HSPH1: variants seen among roughly 807,000 people sequenced by gnomAD.
The protein encoded by HSPH1 is heat shock protein family H (Hsp110) member 1.
HSPH1 carries 40 observed loss-of-function variants against 100.0 expected under a neutral mutation model. The ratio of observed to expected loss-of-function variants is 0.40; its 90% confidence interval spans 0.31 to 0.52. The LOEUF is 0.52. Ranked by LOEUF, HSPH1 falls within the 20% of genes least tolerant of loss-of-function variation. HSPH1 has a pLI of 0.54. For synonymous variants in HSPH1, 403 were observed against 344.0 expected (o/e 1.17, Z -1.90); for missense variants, 876 against 1,015.1 (o/e 0.86, Z 1.86).
At position 31,145,615 on chromosome 13, in the gene HSPH1, T is replaced by G. The variant is rs373915529; in HGVS notation, c.1532A>C (p.Glu511Ala). The G allele has an allele frequency of 6.2e-7, 1 of 1,613,520 alleles. No individual in the cohort carries two copies. Among genetic ancestry groups the G allele is most frequent in the African/African-American group, 1.3e-5 (1 of 74,866 alleles). The change falls in exon 11 of 18, where the codon GAA (glutamate) becomes GCA (alanine). Residue 511 changes from glutamate (E) to alanine (A), a missense_variant. By Grantham distance (107) the Glu-to-Ala change is moderately radical (BLOSUM62 -1). Transcript: ENST00000320027. ...CTGATTCAGACACTCCATGTCAGCT[T>G]CAGAAGACATTTCATTCTCCTCAGT... Reference protein sequence around the residue: ...VPTEENEMSSEADMECLNQRP... With the variant: ...VPTEENEMSSAADMECLNQRP...
chr13:31,160,660 TGAC>T (rs535811243), intron 1 of HSPH1, among the ~76,000 whole-genome samples: 39 of 152,358 alleles, frequency 2.6e-4, no homozygotes, highest in South Asian at 8.3e-4. Flanking sequence ...TTTAGTTCAG[TGAC>T]GACATCCATC....
chr13:31,158,037 A>G (rs924756930), intron 2 of HSPH1, among the ~76,000 whole-genome samples: 1 of 152,244 alleles, frequency 6.6e-6, no homozygotes, highest in African/African-American at 2.4e-5. Context: ...CATGGCTACC[A>G]TATTTTTTAA....
chr13:31,148,199 C>A, intron 9 of HSPH1, 107 bp from the exon 10 acceptor site: 1 of 1,223,156 alleles, frequency 8.2e-7, no homozygotes, highest in African/African-American at 1.6e-5. Flanking sequence ...AATTCTATCT[C>A]ATCATTTACA....
intron 14 of HSPH1, among the ~76,000 whole-genome samples, chr13:31,139,960 T>G (rs1035902817): frequency 2.0e-5 from 3 of 152,124 alleles, no homozygotes; most frequent in Non-Finnish European, 2.9e-5. Flanking sequence ...CATAAATATT[T>G]GATAGGTTCT....
At chr13:31,142,174 G>A (rs1395306347) in intron 12 of HSPH1, among the ~76,000 whole-genome samples, 1 of 152,088 alleles carries the variant, frequency 6.6e-6, no homozygotes, top group East Asian at 1.9e-4. Context: ...ACTGGCCCAT[G>A]AGGCACAATA....
rs1039765783 is a variant in HSPH1 at position 31,150,888 on chromosome 13, C to T, written c.908+59G>A. The T allele has an allele frequency of 1.7e-5, 26 of 1,527,280 alleles. No homozygotes were observed. In the Admixed American group the frequency reaches 4.7e-4, roughly 28 times the overall value. 94.6% of individuals were successfully genotyped at this position (1,527,280 alleles called of 1,614,324 possible). The stretch of plus-strand genomic sequence containing the variant: ...CTCACAACACCCACTAGAACTGACA[C>T]CTGGGCTACAGTTTCAAAAGAAGTT... On this transcript the variant is annotated intron_variant, in intron 7 of 17. Transcript: ENST00000320027.
chr13:31,152,958 A>G lies in HSPH1; in HGVS notation c.430-7T>C. ...CTGTAAAGAAGGAGGGGACCTACAA[A>G]CAAACAAAAAATTTTGAATTATCTA... On this transcript the variant is annotated splice_polypyrimidine_tract_variant and splice_region_variant and intron_variant, in intron 4 of 17. Coordinates refer to ENST00000320027, the MANE Select transcript of HSPH1 (RefSeq NM_006644.4). 1 of 1,594,612 alleles carries G rather than the reference A, an allele frequency of 6.3e-7. No individual in the cohort carries two copies. The highest frequency in any genetic ancestry group is 8.6e-7 in the Non-Finnish European group (1 of 1,163,700).
At chr13:31,158,112 C>A (rs1956763144) in intron 2 of HSPH1, among the ~76,000 whole-genome samples, 1 of 152,140 alleles carries the variant, frequency 6.6e-6, no homozygotes, top group African/African-American at 2.4e-5. Flanking sequence ...CCTGAAAATG[C>A]TTTTAAACAC....
intron 10 of HSPH1, 129 bp from the exon 11 acceptor site, chr13:31,145,897 C>G: frequency 1.4e-6 from 1 of 725,716 alleles, no homozygotes; most frequent in Non-Finnish European, 2.3e-6. Context: ...TGGTGGGTCA[C>G]TTGAGCCCAA....
chr13:31,149,855 A>C (rs1003771768), intron 8 of HSPH1, 99 bp downstream of exon 8: 2 of 911,512 alleles, frequency 2.2e-6, no homozygotes, highest in Non-Finnish European at 3.6e-6. Flanking sequence ...TCCTTCTGCT[A>C]CCTAGACACA....
chr13:31,159,520 A>G (rs1372084750), intron 1 of HSPH1, among the ~76,000 whole-genome samples: 2 of 152,236 alleles, frequency 1.3e-5, no homozygotes, highest in East Asian at 3.9e-4. Flanking sequence ...GTGACTTACA[A>G]CTGTGAAACA....
At chr13:31,153,081 G>A (rs1376636631) in intron 4 of HSPH1, 130 bp from the exon 5 acceptor site, 5 of 611,336 alleles carry the variant, frequency 8.2e-6, no homozygotes, top group Admixed American at 3.1e-5. Context: ...ACAGAAATAG[G>A]GCTTTAGTTT....
chr13:31,156,339 A>G (rs970924908), intron 2 of HSPH1, among the ~76,000 whole-genome samples: 7 of 152,108 alleles, frequency 4.6e-5, no homozygotes, highest in Admixed American at 4.6e-4. Flanking sequence ...GCAGTGAGCC[A>G]AGATCGTGTC....
intron 6 of HSPH1, 114 bp downstream of exon 6, chr13:31,151,495 C>CAT: frequency 1.0e-6 from 1 of 984,472 alleles, no homozygotes; most frequent in Non-Finnish European, 1.5e-6. Flanking sequence ...AACATCTTTA[C>CAT]CTAAAATAAA....
Position 31,135,226 on chromosome 13 carries a change from T to A in HSPH1, c.*2092A>T, listed in dbSNP as rs1198809278. 1.3e-5 allele frequency: 2 copies of A among 152,188 alleles called. No homozygotes were observed. Among genetic ancestry groups the A allele is most frequent in the African/African-American group, 4.8e-5 (2 of 41,430 alleles). The allele number at this position is 152,188 out of a possible 1,614,324, so 9.4% of individuals were successfully genotyped here. On this transcript the variant is annotated 3_prime_UTR_variant, in exon 18 of 18. Transcript: ENST00000320027. ...TGATTTAGGCCAGACTGACTGATGCTCCCTCCCGTCATCAGGTTCTATTTT... is the reference window on the plus strand; with the variant it reads ...TGATTTAGGCCAGACTGACTGATGCACCCTCCCGTCATCAGGTTCTATTTT...
At chr13:31,155,753 T>C in intron 2 of HSPH1, 99 bp from the exon 3 acceptor site, 2 of 955,832 alleles carry the variant, frequency 2.1e-6, no homozygotes, top group Non-Finnish European at 1.6e-6. Flanking sequence ...CTCAAACCAA[T>C]CCTATGAGTG....
intron 4 of HSPH1, 24 bp from the exon 5 acceptor site, chr13:31,152,975 A>T: frequency 1.4e-6 from 2 of 1,459,038 alleles, no homozygotes; most frequent in Non-Finnish European, 1.9e-6. Context: ...AAAAATTTTG[A>T]ATTATCTAGA....
At position 31,138,835 on chromosome 13, in the gene HSPH1, T is replaced by C; in HGVS notation, c.2154A>G (p.Glu718=). 1 of 1,611,482 alleles carries C rather than the reference T, an allele frequency of 6.2e-7. No individual in the cohort carries two copies. The highest frequency in any genetic ancestry group is 8.5e-7 in the Non-Finnish European group (1 of 1,178,760). The change falls in exon 16 of 18, where the codon GAA becomes GAG. Residue 718 remains glutamate (E), a synonymous_variant. Coordinates refer to ENST00000320027, the MANE Select transcript of HSPH1 (RefSeq NM_006644.4). ...CATAATGCTGCAGCCTCTGTCCTAG[T>C]TCTTCAAACATTTTTGGCCGTTCTT... ...EAEERPKMFE[E]LGQRLQHYAK...
At position 31,157,523 on chromosome 13, in the gene HSPH1, A is replaced by G. The variant is rs189173641; in HGVS notation, c.165+1283T>C. On this transcript the variant is annotated intron_variant, in intron 2 of 17. Transcript: ENST00000320027. Reference sequence around the variant, plus strand: ...ATTTCTTATTAAACATAAGCATTTTAAGAGATGTTTTTGTTTTCAAATCTG... The same window carrying G: ...ATTTCTTATTAAACATAAGCATTTTGAGAGATGTTTTTGTTTTCAAATCTG... Among the ~76,000 whole-genome samples the G allele has an allele frequency of 2.1e-3, 319 of 152,366 alleles. 1 individual carries two copies. The highest frequency in any genetic ancestry group is 7.5e-3 in the African/African-American group (310 of 41,594).
Sources: gnomAD v4.1 joint callset for allele counts (sites outside exome capture counted in the v4.1 genomes callset) on GRCh38, gnomAD v4.1.1 for gene constraint, MANE v1.5 for transcripts, NCBI Gene and HGNC (gene_info 2026-07-23, HGNC 2026-07-21) for gene names.